The following SV2C variants were observed in gnomAD, a reference collection of about 807,000 sequenced individuals.
SV2C encodes synaptic vesicle glycoprotein 2C.
Under a neutral mutation model 79.7 loss-of-function variants are expected in SV2C, and 49 were observed. That is an observed-to-expected ratio of 0.61 (90% confidence interval 0.49 to 0.78). The LOEUF is 0.78. Ranked by LOEUF, SV2C falls within the 30% of genes least tolerant of loss-of-function variation. The pLI is 0.00. For missense variants in SV2C, 833 were observed against 912.9 expected (o/e 0.91, Z 1.13); for synonymous variants, 334 against 333.2 (o/e 1.00, Z -0.03).
intron 4 of SV2C, among the ~76,000 whole-genome samples, chr5:76,221,640 T>C (rs557416504): frequency 6.6e-6 from 1 of 152,230 alleles, no homozygotes; most frequent in African/African-American, 2.4e-5. Flanking sequence ...GCCTTTCTAT[T>C]TGGTTTCAGA....
At chr5:76,168,522 G>A (rs1170362814) in intron 2 of SV2C, among the ~76,000 whole-genome samples, 2 of 152,194 alleles carry the variant, frequency 1.3e-5, no homozygotes, top group African/African-American at 4.8e-5. Flanking sequence ...TTTTGGAGAT[G>A]ATGTCGTGAA....
chr5:76,266,775 A>G (rs150343054), intron 4 of SV2C, among the ~76,000 whole-genome samples: 110 of 144,476 alleles, frequency 7.6e-4, no homozygotes, highest in African/African-American at 2.8e-3. Flanking sequence ...ACTTAATGCC[A>G]CAGAATTATA....
chr5:75,970,103 TA>T, the SV2C span, among the ~76,000 whole-genome samples: 1 of 152,082 alleles, frequency 6.6e-6, no homozygotes, highest in South Asian at 2.1e-4. Flanking sequence ...AAGGCAGAAA[TA>T]AAGATGTTCT....
chr5:76,244,961 T>A (rs1481092322), intron 4 of SV2C, among the ~76,000 whole-genome samples: 1 of 152,232 alleles, frequency 6.6e-6, no homozygotes, highest in East Asian at 1.9e-4. Flanking sequence ...GTCTGAATAC[T>A]GCCTTTGTAC....
the SV2C span, among the ~76,000 whole-genome samples, chr5:75,969,171 G>A: frequency 1.8e-3 from 269 of 152,236 alleles, no homozygotes; most frequent in African/African-American, 6.3e-3. Context: ...AGCTCCTGAA[G>A]GAAGCACTAA....
chr5:76,006,496 G>A, the SV2C span, among the ~76,000 whole-genome samples: 2 of 152,168 alleles, frequency 1.3e-5, no homozygotes, highest in Non-Finnish European at 2.9e-5. Flanking sequence ...TCTGATTACA[G>A]CATTCCACCA....
At chr5:76,141,739 G>T (rs1749256669) in intron 2 of SV2C, among the ~76,000 whole-genome samples, 1 of 146,384 alleles carries the variant, frequency 6.8e-6, no homozygotes, top group African/African-American at 2.5e-5. Context: ...CAGGAGAATG[G>T]CTTGAACCTG....
intron 2 of SV2C, among the ~76,000 whole-genome samples, chr5:76,182,156 T>A (rs1374028752): frequency 1.3e-5 from 2 of 152,210 alleles, no homozygotes; most frequent in Non-Finnish European, 2.9e-5. Context: ...TATTGACCAC[T>A]GCTTTATTGA....
chr5:75,850,946 G>T, the SV2C span, among the ~76,000 whole-genome samples: 1 of 152,110 alleles, frequency 6.6e-6, no homozygotes, highest in African/African-American at 2.4e-5. Context: ...TGCACAGGAG[G>T]GCTACGTGTC....
At chr5:75,941,305 T>C in the SV2C span, among the ~76,000 whole-genome samples, 1 of 152,242 alleles carries the variant, frequency 6.6e-6, no homozygotes, top group Non-Finnish European at 1.5e-5. Context: ...AAGATAGAAT[T>C]CTTAATCAAA....
chr5:76,277,770 C>T (rs1195643466), intron 4 of SV2C, among the ~76,000 whole-genome samples: 1 of 143,880 alleles, frequency 7.0e-6, no homozygotes, highest in Non-Finnish European at 1.5e-5. Context: ...AAAAAAAAAA[C>T]AGATTCCAAA....
At chr5:75,913,242 A>C in the SV2C span, among the ~76,000 whole-genome samples, 2 of 152,182 alleles carry the variant, frequency 1.3e-5, no homozygotes, top group Non-Finnish European at 2.9e-5. Context: ...GCCAGTATGG[A>C]GGTCCCCAGG....
chr5:75,955,127 C>T, the SV2C span, among the ~76,000 whole-genome samples: 2 of 150,520 alleles, frequency 1.3e-5, no homozygotes, highest in Admixed American at 6.6e-5. Context: ...AGGCATCACA[C>T]TACCTGACTT....
chr5:75,951,839 C>G, the SV2C span, among the ~76,000 whole-genome samples: 1 of 152,040 alleles, frequency 6.6e-6, no homozygotes, highest in Non-Finnish European at 1.5e-5. Context: ...CTTCTTCCAA[C>G]AACACTATTT....
chr5:75,954,744 C>T, the SV2C span, among the ~76,000 whole-genome samples: 1 of 150,210 alleles, frequency 6.7e-6, no homozygotes, highest in African/African-American at 2.5e-5. Context: ...TTCTTATACA[C>T]AAATAACCGA....
the SV2C span, among the ~76,000 whole-genome samples, chr5:76,056,624 C>CTTTTTTTT: frequency 1.2e-4 from 8 of 65,698 alleles, no homozygotes; most frequent in African/African-American, 1.8e-4. Flanking sequence ...CCTGGGCTTT[C>CTTTTTTTT]TTTTTTTTTT....
rs542415746 is a variant in SV2C at position 76,148,741 on chromosome 5, C to T, written c.580+16411C>T. Among the ~76,000 whole-genome samples, 9 of 152,308 alleles carry T rather than the reference C, an allele frequency of 5.9e-5. No individual in the cohort carries two copies. In the East Asian group the frequency reaches 1.2e-3, roughly 20 times the overall value. On this transcript the variant is annotated intron_variant, in intron 2 of 12. Coordinates refer to ENST00000502798, the MANE Select transcript of SV2C (RefSeq NM_014979.4). ...GTGCTGAGATTACAGGCCTGAGCCA[C>T]GATGTCTGGCCTCTGGCCTCCCTTT...
the SV2C span, among the ~76,000 whole-genome samples, chr5:75,871,967 C>A: frequency 0.012 from 1,737 of 146,748 alleles, 28 homozygotes; most frequent in African/African-American, 0.04. Context: ...AGTACACACA[C>A]GTATATTTAA....
chr5:76,253,827 A>T (rs1317510488), intron 4 of SV2C, among the ~76,000 whole-genome samples: 1 of 152,148 alleles, frequency 6.6e-6, no homozygotes, highest in Non-Finnish European at 1.5e-5. Context: ...ACCTACAGGC[A>T]TAATTTAACT....
Sources: gnomAD v4.1 joint callset for allele counts (sites outside exome capture counted in the v4.1 genomes callset) on GRCh38, gnomAD v4.1.1 for gene constraint, MANE v1.5 for transcripts, NCBI Gene and HGNC (gene_info 2026-07-23, HGNC 2026-07-21) for gene names.